SLC12A1: variants seen among roughly 807,000 people sequenced by gnomAD.
The protein encoded by SLC12A1 is solute carrier family 12 member 1.
Under a neutral mutation model 130.4 loss-of-function variants are expected in SLC12A1, and 89 were observed. The ratio of observed to expected loss-of-function variants is 0.68; its 90% CI spans 0.58 to 0.81. SLC12A1 has a LOEUF of 0.81. Among genes scored for constraint, SLC12A1 ranks in the 40% least tolerant of loss-of-function variants. The pLI is 0.00. For synonymous variants in SLC12A1, 499 were observed against 460.0 expected (o/e 1.08, Z -1.09); for missense variants, 1,310 against 1,336.4 (o/e 0.98, Z 0.31).
intron 15 of SLC12A1, among the ~76,000 whole-genome samples, chr15:48,255,263 C>A (rs1053641808): frequency 6.6e-6 from 1 of 152,010 alleles, no homozygotes; most frequent in Non-Finnish European, 1.5e-5. Flanking sequence ...TATGGTGAAA[C>A]CCCGTCTCTA....
Position 48,261,239 on chromosome 15 carries a change from G to C in SLC12A1, c.2154+1928G>C, listed in dbSNP as rs527521620. 2.0e-5 allele frequency among the ~76,000 whole-genome samples: 3 copies of C among 152,298 alleles called. No individual in the cohort carries two copies. In the East Asian group the frequency reaches 5.8e-4, roughly 29 times the overall value. On this transcript the variant is annotated intron_variant, in intron 17 of 26. Coordinates refer to ENST00000380993, the MANE Select transcript of SLC12A1 (RefSeq NM_000338.3). ...TCTTTAGGACTGAAGAAATAAACTG[G>C]GAGTATAAACAGTCATCTATTGGCA... is the stretch of plus-strand genomic sequence containing the variant.
At chr15:48,254,982 T>C (rs1180785424) in intron 15 of SLC12A1, among the ~76,000 whole-genome samples, 1 of 152,094 alleles carries the variant, frequency 6.6e-6, no homozygotes, top group African/African-American at 2.4e-5. Flanking sequence ...TGACCTCCCT[T>C]ATGATGAAGA....
chr15:48,231,397 T>C (rs2041375665), intron 7 of SLC12A1, among the ~76,000 whole-genome samples: 1 of 152,188 alleles, frequency 6.6e-6, no homozygotes, highest in South Asian at 2.1e-4. Context: ...AACAGGACAC[T>C]GTGATGAAAA....
chr15:48,251,526 G>A (rs1257188760), intron 14 of SLC12A1, 89 bp from the exon 15 acceptor site: 2 of 1,042,468 alleles, frequency 1.9e-6, no homozygotes, highest in Non-Finnish European at 3.0e-6. Flanking sequence ...TTTATGTCAG[G>A]AAAAAGGCAT....
chr15:48,272,602 T>G (rs1420268014), intron 19 of SLC12A1, among the ~76,000 whole-genome samples: 6 of 151,952 alleles, frequency 3.9e-5, no homozygotes, highest in African/African-American at 1.4e-4. Context: ...AATTTTTATA[T>G]TTTTTAGTAG....
intron 9 of SLC12A1, among the ~76,000 whole-genome samples, chr15:48,239,478 G>A (rs1358054808): frequency 6.6e-6 from 1 of 151,002 alleles, no homozygotes; most frequent in African/African-American, 2.5e-5. Context: ...TTGAGCCACT[G>A]CACTCCAGCC....
chr15:48,295,075 C>CTT (rs758402841), intron 24 of SLC12A1, among the ~76,000 whole-genome samples: 6 of 136,156 alleles, frequency 4.4e-5, no homozygotes, highest in South Asian at 4.7e-4. Flanking sequence ...CTATACCCAG[C>CTT]TTTTTTTTTT....
At chr15:48,250,673 GCCTC>G (rs1362315412) in intron 14 of SLC12A1, among the ~76,000 whole-genome samples, 1 of 69,830 alleles carries the variant, frequency 1.4e-5, no homozygotes, top group Non-Finnish European at 2.6e-5. Context: ...GAAAATGTCT[GCCTC>G]ACACACACAC....
intron 17 of SLC12A1, among the ~76,000 whole-genome samples, chr15:48,263,844 C>T (rs2041802298): frequency 6.6e-6 from 1 of 152,098 alleles, no homozygotes; most frequent in Non-Finnish European, 1.5e-5. Context: ...AGGCATGTGC[C>T]ACCACACCCA....
chr15:48,270,776 A>AAG (rs1566849914), intron 19 of SLC12A1, among the ~76,000 whole-genome samples: 1 of 70,248 alleles, frequency 1.4e-5, no homozygotes, highest in Admixed American at 1.6e-4. Context: ...ATATATATAT[A>AAG]TATATATATA....
At chr15:48,235,203 T>G in intron 9 of SLC12A1, 199 bp downstream of exon 9, 1 of 652,968 alleles carries the variant, frequency 1.5e-6, no homozygotes, top group Non-Finnish European at 2.7e-6. Context: ...CTTCCAAAAG[T>G]CTTATTCAGT....
Position 48,251,727 on chromosome 15 carries a change from C to A in SLC12A1, c.1899C>A (p.Val633=), listed in dbSNP as rs1334098330. The part of the protein sequence containing the change: ...INWWAAVITY[V]IEFFLYVYVT... Reference sequence around the variant, plus strand: ...GGTGGGCAGCTGTCATCACCTATGTCATTGAATTCTTCCTTTACGTCTATG... The same window carrying A: ...GGTGGGCAGCTGTCATCACCTATGTAATTGAATTCTTCCTTTACGTCTATG... The change falls in exon 15 of 27, where the codon GTC becomes GTA. Residue 633 remains valine, a synonymous_variant. Transcript: ENST00000380993. 6.2e-7 allele frequency: 1 copy of A among 1,613,754 alleles called. No individual in the cohort carries two copies. The highest frequency in any genetic ancestry group is 8.5e-7 in the Non-Finnish European group (1 of 1,179,792).
chr15:48,285,001 T>G, intron 20 of SLC12A1, 105 bp from the exon 21 acceptor site: 1 of 775,970 alleles, frequency 1.3e-6, no homozygotes, highest in Non-Finnish European at 1.9e-6. Flanking sequence ...TATAAACAAT[T>G]ATTTTATCAC....
chr15:48,258,086 G>GAC (rs1170001925), intron 16 of SLC12A1, among the ~76,000 whole-genome samples: 1 of 70,580 alleles, frequency 1.4e-5, no homozygotes, highest in Non-Finnish European at 2.3e-5. Flanking sequence ...TTACGGCCGG[G>GAC]CGCGGTGGCT....
chr15:48,296,455 A>T (rs2042178329), intron 24 of SLC12A1, among the ~76,000 whole-genome samples: 1 of 152,214 alleles, frequency 6.6e-6, no homozygotes, highest in Non-Finnish European at 1.5e-5. Flanking sequence ...GACTGAATTA[A>T]AAGTCATAGG....
At position 48,221,015 on chromosome 15, in the gene SLC12A1, C is replaced by A. The variant is rs190089661; in HGVS notation, c.628+19C>A. 31 of 1,609,788 alleles carry A rather than the reference C, an allele frequency of 1.9e-5. No homozygotes were observed. In the African/African-American group the frequency reaches 4.1e-4, roughly 21 times the overall value. ...GGAATTGGTAAGCATTTTTCCCCTC[C>A]TAAATAATTTTGCATGTAAATCATA... On this transcript the variant is annotated intron_variant, in intron 4 of 26. Transcript: ENST00000380993.
intron 4 of SLC12A1, among the ~76,000 whole-genome samples, chr15:48,222,083 T>C (rs966713602): frequency 6.6e-6 from 1 of 152,342 alleles, no homozygotes; most frequent in Middle Eastern, 3.4e-3. Context: ...GGTTTTATGA[T>C]GCATAACAAA....
chr15:48,257,677 G>A (rs2041723317), intron 16 of SLC12A1, among the ~76,000 whole-genome samples: 1 of 152,176 alleles, frequency 6.6e-6, no homozygotes, highest in African/African-American at 2.4e-5. Flanking sequence ...AGGACAAAGG[G>A]CACCAAGTCC....
rs1296813638 is a variant in SLC12A1, at chr15:48,301,389, A to T, written c.3164+7A>T. 3.2e-6 allele frequency: 5 copies of T among 1,563,718 alleles called. No individual in the cohort carries two copies. The African/African-American group carries it at 6.8e-5, about 21-fold the overall frequency. Reference sequence around the variant, plus strand: ...CTGCTAATCTCATTGTCCTGTAAGTATCATTGCAAGCATTGAAGAACATTA... The same window carrying T: ...CTGCTAATCTCATTGTCCTGTAAGTTTCATTGCAAGCATTGAAGAACATTA... On this transcript the variant is annotated splice_region_variant and intron_variant, in intron 26 of 26. Coordinates refer to ENST00000380993, the MANE Select transcript of SLC12A1 (RefSeq NM_000338.3).
Sources: allele counts gnomAD v4.1 joint callset (sites outside exome capture counted in the v4.1 genomes callset), GRCh38; gene constraint gnomAD v4.1.1; transcripts MANE v1.5; gene names NCBI Gene and HGNC (gene_info 2026-07-23, HGNC 2026-07-21).